Variants in CSGALNACT1 observed in about 807,000 individuals in gnomAD.
The protein encoded by CSGALNACT1 is beta4GalNAcT-1.
A neutral mutation model predicts 51.0 loss-of-function variants in CSGALNACT1; 52 were observed. The observed-to-expected ratio is 1.02, with a 90% confidence interval of 0.82 to 1.29. The LOEUF (loss-of-function observed/expected upper bound fraction) is 1.29. CSGALNACT1 is among the 50% of genes most tolerant of loss of function. The probability of loss-of-function intolerance (pLI) is 0.00; values close to 1 mark genes in which losing one functional copy is unlikely to be tolerated. For missense variants in CSGALNACT1, 935 were observed against 679.2 expected, an observed-to-expected ratio of 1.38 and a Z score of -4.19; for synonymous variants, 341 against 254.4, an observed-to-expected ratio of 1.34 and a Z score of -3.24.
chr8:19,599,513 AAAGAAAG>A (rs1167351731), intron 2 of CSGALNACT1, among the ~76,000 whole-genome samples: 7 of 148,320 alleles, frequency 4.7e-5, no homozygotes, highest in African/African-American at 1.5e-4. Context: ...AGAAAGAAAG[AAAGAAAG>A]AAAGAAAAGA....
intron 1 of CSGALNACT1, among the ~76,000 whole-genome samples, chr8:19,662,087 C>T (rs1005403252): frequency 6.2e-5 from 7 of 113,128 alleles, no homozygotes; most frequent in Admixed American, 8.3e-5. Flanking sequence ...CCCCCCCCCC[C>T]CCGCATCTTC....
intron 2 of CSGALNACT1, among the ~76,000 whole-genome samples, chr8:19,598,543 A>T (rs1205656745): frequency 6.6e-6 from 1 of 152,172 alleles, no homozygotes; most frequent in Non-Finnish European, 1.5e-5. Context: ...TTATATTATT[A>T]TTTACTTATA....
chr8:19,503,002 C>T (rs1404082575), intron 4 of CSGALNACT1, among the ~76,000 whole-genome samples: 1 of 152,190 alleles, frequency 6.6e-6, no homozygotes. Flanking sequence ...CCTTATACTG[C>T]ACTTAATTCT....
chr8:19,751,699 C>T (rs2065038340), intron 1 of CSGALNACT1, among the ~76,000 whole-genome samples: 1 of 152,184 alleles, frequency 6.6e-6, no homozygotes, highest in Non-Finnish European at 1.5e-5. Context: ...TAGCGGCAGA[C>T]TTCCCCCTTG....
chr8:19,576,879 A>T (rs1442293016), intron 3 of CSGALNACT1, among the ~76,000 whole-genome samples: 1 of 151,998 alleles, frequency 6.6e-6, no homozygotes, highest in Non-Finnish European at 1.5e-5. Context: ...GCCACACCTT[A>T]CTGCTCTCCA....
chr8:19,420,389 G>T, exon 7 of CSGALNACT1: 2 of 1,614,172 alleles, frequency 1.2e-6, no homozygotes, highest in Non-Finnish European at 1.7e-6. Flanking sequence ...ATGTGAAGTA[G>T]ATGTCCACAT....
At chr8:19,674,302 A>G (rs968923378) in intron 1 of CSGALNACT1, among the ~76,000 whole-genome samples, 3 of 152,116 alleles carry the variant, frequency 2.0e-5, no homozygotes, top group African/African-American at 7.2e-5. Context: ...CAAAAAAAAA[A>G]ATTTTAAGGG....
intron 2 of CSGALNACT1, among the ~76,000 whole-genome samples, chr8:19,592,316 C>T (rs2154134452): frequency 1.3e-5 from 2 of 152,190 alleles, no homozygotes; most frequent in East Asian, 3.9e-4. Context: ...AGAAAATATC[C>T]TTATTCTTAG....
At chr8:19,715,811 G>T (rs1322239527) in intron 1 of CSGALNACT1, among the ~76,000 whole-genome samples, 7 of 152,094 alleles carry the variant, frequency 4.6e-5, no homozygotes, top group Non-Finnish European at 5.9e-5. Flanking sequence ...GAGGTTTGTT[G>T]TCTCTGTGGT....
At chr8:19,451,166 G>A (rs1365380170) in intron 5 of CSGALNACT1, among the ~76,000 whole-genome samples, 2 of 152,100 alleles carry the variant, frequency 1.3e-5, no homozygotes, top group Non-Finnish European at 1.5e-5. Context: ...TGGGTGCTAG[G>A]AGAAACCTCA....
chr8:19,617,495 C>T (rs1294464569), intron 1 of CSGALNACT1, among the ~76,000 whole-genome samples: 5 of 152,168 alleles, frequency 3.3e-5, no homozygotes, highest in African/African-American at 1.2e-4. Context: ...TTATTCTATG[C>T]TCTCCAAACA....
In CSGALNACT1 at chr8:19,505,186, T is replaced by C; in HGVS notation, c.634+15A>G. On this transcript the variant is annotated intron_variant, in intron 4 of 9. Coordinates refer to ENST00000454498, the Ensembl canonical transcript of CSGALNACT1. Reference sequence around the variant, plus strand: ...CCTTTTCTTCTCCTTTCCCCCCAATTCACAAAATGCTAACCTTCTATGAAA... The same window carrying C: ...CCTTTTCTTCTCCTTTCCCCCCAATCCACAAAATGCTAACCTTCTATGAAA... The C allele has an allele frequency of 2.5e-6, 4 of 1,613,960 alleles. No homozygotes were observed. The highest frequency in any genetic ancestry group is 3.4e-6 in the Non-Finnish European group (4 of 1,179,964).
At chr8:19,466,919 C>A (rs2066823071) in intron 4 of CSGALNACT1, among the ~76,000 whole-genome samples, 1 of 152,146 alleles carries the variant, frequency 6.6e-6, no homozygotes, top group Non-Finnish European at 1.5e-5. Flanking sequence ...GAAATAGTTG[C>A]AGCGACTGGT....
At chr8:19,635,695 G>A (rs748290129) in intron 1 of CSGALNACT1, among the ~76,000 whole-genome samples, 4 of 152,102 alleles carry the variant, frequency 2.6e-5, no homozygotes, top group African/African-American at 7.2e-5. Flanking sequence ...TCCAAAGCGG[G>A]CATTTAGGAA....
rs1285443279 is a variant in CSGALNACT1, at chr8:19,743,493, C to T, written c.-297+14357G>A. 2.0e-5 allele frequency among the ~76,000 whole-genome samples: 3 copies of T among 152,104 alleles called. No individual in the cohort carries two copies. In the East Asian group the frequency reaches 5.8e-4, roughly 29 times the overall value. On this transcript the variant is annotated intron_variant, in intron 1 of 1. Transcript: ENST00000517494. ...GTGAGTCATAATCTTACTTTTGGCCCTATACAGACAAAATACTTGCAGCTA... is the reference window on the plus strand; with the variant it reads ...GTGAGTCATAATCTTACTTTTGGCCTTATACAGACAAAATACTTGCAGCTA...
At chr8:19,592,153 G>A (rs185520002) in intron 2 of CSGALNACT1, among the ~76,000 whole-genome samples, 11 of 152,276 alleles carry the variant, frequency 7.2e-5, no homozygotes, top group Non-Finnish European at 1.2e-4. Context: ...ATATAGAGAC[G>A]TAATAACTAA....
At chr8:19,683,564 A>G (rs1476559157), upstream of CSGALNACT1, among the ~76,000 whole-genome samples, 1 of 152,182 alleles carries the variant, frequency 6.6e-6, no homozygotes, top group East Asian at 1.9e-4. Flanking sequence ...AAAAATAACT[A>G]CCTAGAACTG....
In CSGALNACT1 at chr8:19,610,377, A is replaced by AC. The variant is rs528708117; in HGVS notation, c.-543-8513dup. 8.6e-5 allele frequency among the ~76,000 whole-genome samples: 13 copies of AC among 151,060 alleles called. No homozygotes were observed. In the East Asian group the frequency reaches 2.5e-3, roughly 30 times the overall value. On this transcript the variant is annotated intron_variant, in intron 1 of 9. Coordinates refer to the CSGALNACT1 transcript ENST00000332246. Reference sequence around the variant, plus strand: ...GGCGTGGTCCCTGGCTAGGATTCCAACCCCCACGGACCTCGGTGAGGACAG... The same window carrying AC: ...GGCGTGGTCCCTGGCTAGGATTCCAACCCCCCACGGACCTCGGTGAGGACAG...
At chr8:19,617,756 A>G (rs959099101) in intron 1 of CSGALNACT1, among the ~76,000 whole-genome samples, 1 of 152,212 alleles carries the variant, frequency 6.6e-6, no homozygotes, top group African/African-American at 2.4e-5. Context: ...ATATTTTGAC[A>G]TGTTAGGATA....
Sources: gnomAD v4.1 joint callset for allele counts (sites outside exome capture counted in the v4.1 genomes callset) on GRCh38, gnomAD v4.1.1 for gene constraint, MANE v1.5 for transcripts, NCBI Gene and HGNC (gene_info 2026-07-23, HGNC 2026-07-21) for gene names.